Variants in NR4A1 observed in about 807,000 individuals in gnomAD.
The protein encoded by NR4A1 is nuclear receptor subfamily 4 group A member 1.
Under a neutral mutation model 47.5 loss-of-function variants are expected in NR4A1, and 24 were observed. That is an observed-to-expected ratio of 0.50 (90% CI 0.37 to 0.71). NR4A1 has a LOEUF of 0.71. NR4A1 is among the 30% of genes least tolerant of loss of function. The pLI is 0.00. For missense variants in NR4A1, 669 were observed against 788.6 expected, an observed-to-expected ratio of 0.85 and a Z score of 1.82; for synonymous variants, 353 against 345.7, an observed-to-expected ratio of 1.02 and a Z score of -0.24.
chr12:52,023,558 C>T (rs971458742), intron 1 of NR4A1, among the ~76,000 whole-genome samples: 1 of 152,110 alleles, frequency 6.6e-6, no homozygotes, highest in Non-Finnish European at 1.5e-5. Flanking sequence ...CGCACTAGCC[C>T]GCCCCCACCC....
intron 2 of NR4A1, among the ~76,000 whole-genome samples, chr12:52,045,269 C>T (rs1938587759): frequency 6.6e-6 from 1 of 152,270 alleles, no homozygotes; most frequent in Non-Finnish European, 1.5e-5. Context: ...TCTCCTGCCC[C>T]TGCCACCCTC....
chr12:52,054,315 C>G lies in NR4A1; in HGVS notation c.-2-12C>G. On this transcript the variant is annotated splice_polypyrimidine_tract_variant and intron_variant, in intron 1 of 6. Transcript: ENST00000394825. ...CTCTCCTTTCCCTCCCTGGGGTCTC[C>G]TCTCTCTCCAGAGATGCCCTGTATC... is the stretch of plus-strand genomic sequence containing the variant. The G allele has an allele frequency of 6.3e-7, 1 of 1,589,782 alleles. No homozygotes were observed. The highest frequency in any genetic ancestry group is 1.1e-5 in the South Asian group (1 of 87,638).
intron 1 of NR4A1, among the ~76,000 whole-genome samples, chr12:52,026,543 T>C (rs1305299958): frequency 6.6e-6 from 1 of 152,106 alleles, no homozygotes; most frequent in African/African-American, 2.4e-5. Context: ...GTAGGTCATA[T>C]CGCTGTCCCG....
chr12:52,052,298 TGTGTGTGAGA>T (rs1233100030), intron 1 of NR4A1, among the ~76,000 whole-genome samples: 56 of 138,410 alleles, frequency 4.0e-4, no homozygotes, highest in African/African-American at 1.5e-3. Context: ...TGTGTGTGTG[TGTGTGTGAGA>T]GAGAGAGAGA....
At chr12:52,028,426 T>C (rs1197232700) in intron 1 of NR4A1, among the ~76,000 whole-genome samples, 1 of 151,394 alleles carries the variant, frequency 6.6e-6, no homozygotes, top group African/African-American at 2.4e-5. Context: ...ATACAAAAAT[T>C]AGCTGGGCGT....
intron 1 of NR4A1, among the ~76,000 whole-genome samples, chr12:52,035,066 G>A (rs958322723): frequency 2.6e-5 from 4 of 152,212 alleles, no homozygotes; most frequent in Admixed American, 6.5e-5. Flanking sequence ...CCTCTTGTGG[G>A]TTAGGGAAAT....
upstream of NR4A1, among the ~76,000 whole-genome samples, chr12:52,046,693 T>A (rs1373945772): frequency 6.6e-6 from 1 of 152,136 alleles, no homozygotes; most frequent in Non-Finnish European, 1.5e-5. Flanking sequence ...TATTTTAAAA[T>A]AAAATTTGGG....
intron 1 of NR4A1, 62 bp from the exon 2 acceptor site, chr12:52,054,265 C>G (rs111363274): frequency 7.1e-7 from 1 of 1,414,060 alleles, no homozygotes; most frequent in Non-Finnish European, 9.6e-7. Flanking sequence ...TACTTTGAGA[C>G]AAGGCTATAG....
chr12:52,037,016 C>T (rs1356911253), intron 1 of NR4A1, among the ~76,000 whole-genome samples: 2 of 150,368 alleles, frequency 1.3e-5, no homozygotes, highest in Non-Finnish European at 3.0e-5. Context: ...CGGGGCGGGG[C>T]GCTCGCGGCT....
At chr12:52,052,277 G>A (rs370798242) in intron 1 of NR4A1, among the ~76,000 whole-genome samples, 39 of 131,480 alleles carry the variant, frequency 3.0e-4, no homozygotes, top group African/African-American at 1.1e-3. Context: ...ACGTGTGTGT[G>A]TGTGTGTGTG....
At chr12:52,050,913 T>C (rs530987193), upstream of NR4A1, among the ~76,000 whole-genome samples, 4 of 152,036 alleles carry the variant, frequency 2.6e-5, no homozygotes, top group African/African-American at 9.6e-5. Flanking sequence ...CAGGAAGGGC[T>C]TGGGAAGGTG....
upstream of NR4A1, among the ~76,000 whole-genome samples, chr12:52,048,034 G>A (rs539500484): frequency 5.3e-5 from 8 of 151,788 alleles, no homozygotes; most frequent in South Asian, 6.3e-4. Flanking sequence ...GGCACCTGTC[G>A]TCCCAGCTAC....
At chr12:52,024,985 C>G (rs188625636) in intron 1 of NR4A1, among the ~76,000 whole-genome samples, 4 of 152,080 alleles carry the variant, frequency 2.6e-5, no homozygotes, top group African/African-American at 4.8e-5. Flanking sequence ...TGAGACTGCA[C>G]GAGCTCTGCC....
intron 1 of NR4A1, among the ~76,000 whole-genome samples, chr12:52,028,902 T>TA (rs1479076192): frequency 3.3e-5 from 5 of 151,858 alleles, no homozygotes; most frequent in Admixed American, 1.3e-4. Flanking sequence ...GACTCCATTT[T>TA]AAAAAACAAA....
At chr12:52,048,267 G>A (rs182559297), upstream of NR4A1, among the ~76,000 whole-genome samples, 12 of 152,068 alleles carry the variant, frequency 7.9e-5, no homozygotes, top group African/African-American at 2.9e-4. Context: ...AAGAACAATG[G>A]CTTGGCTGAT....
intron 1 of NR4A1, chr12:52,037,236 G>T (rs891075276): frequency 2.6e-6 from 1 of 380,242 alleles, no homozygotes; most frequent in Non-Finnish European, 3.6e-6. Flanking sequence ...CTTCCCGGGG[G>T]CGGGGGGCGC....
intron 1 of NR4A1, chr12:52,052,443 A>C (rs1347470185): frequency 3.1e-6 from 3 of 981,306 alleles, no homozygotes; most frequent in Non-Finnish European, 3.6e-6. Context: ...CCAGCTCCAG[A>C]TGCTGATCAT....
At chr12:52,026,432 C>G (rs1332029331) in intron 1 of NR4A1, among the ~76,000 whole-genome samples, 1 of 152,232 alleles carries the variant, frequency 6.6e-6, no homozygotes, top group African/African-American at 2.4e-5. Context: ...CAAACATTGT[C>G]TAATTATAGC....
At chr12:52,058,503 T>C in intron 6 of NR4A1, 185 bp from the exon 7 acceptor site, 1 of 739,398 alleles carries the variant, frequency 1.4e-6, no homozygotes, top group Non-Finnish European at 2.1e-6. Flanking sequence ...ATGAGGATAA[T>C]GAGGGTTACT....
Sources: allele counts gnomAD v4.1 joint callset (sites outside exome capture counted in the v4.1 genomes callset), GRCh38; gene constraint gnomAD v4.1.1; transcripts MANE v1.5; gene names NCBI Gene and HGNC (gene_info 2026-07-23, HGNC 2026-07-21).